Variants in ALG5 observed in about 807,000 individuals in gnomAD.
The protein encoded by ALG5 is ALG5 dolichyl-phosphate beta-glucosyltransferase, also known as dolichyl-phosphate beta-glucosyltransferase.
ALG5 carries 26 observed loss-of-function variants against 51.8 expected under a neutral mutation model. That is an observed-to-expected ratio of 0.50 (90% CI 0.37 to 0.70). The LOEUF (loss-of-function observed/expected upper bound fraction) is 0.70. Ranked by LOEUF, ALG5 falls within the 30% of genes least tolerant of loss-of-function variation. The pLI is 0.00. For synonymous variants in ALG5, 141 were observed against 136.1 expected (o/e 1.04, Z -0.25); for missense variants, 311 against 399.3 (o/e 0.78, Z 1.88).
At chr13:36,952,425 G>A in intron 9 of ALG5, 89 bp downstream of exon 9, 2 of 880,720 alleles carry the variant, frequency 2.3e-6, no homozygotes, top group South Asian at 3.2e-5. Flanking sequence ...CTTGATGAGG[G>A]GAGCAAGGAG....
intron 6 of ALG5, among the ~76,000 whole-genome samples, chr13:36,979,269 G>C (rs1442788778): frequency 6.6e-6 from 1 of 152,084 alleles, no homozygotes; most frequent in East Asian, 1.9e-4. Flanking sequence ...CAAAGTGCTG[G>C]TATTACAGGG....
Position 36,991,167 on chromosome 13 carries a change from G to A in ALG5, c.355-1591C>T, listed in dbSNP as rs138860898. 1.6e-4 allele frequency among the ~76,000 whole-genome samples: 25 copies of A among 152,138 alleles called. 1 individual carries two copies. The highest frequency in any genetic ancestry group is 5.8e-4 in the African/African-American group (24 of 41,502). ...ATTTGAGATTTCCAGACCATACCACGGTCTTACACTTGTATGCCTTTTCTC... is the reference window on the plus strand; with the variant it reads ...ATTTGAGATTTCCAGACCATACCACAGTCTTACACTTGTATGCCTTTTCTC... On this transcript the variant is annotated intron_variant, in intron 4 of 9. Transcript: ENST00000239891.
chr13:36,963,846 T>C (rs1352848018), intron 8 of ALG5, among the ~76,000 whole-genome samples: 1 of 152,162 alleles, frequency 6.6e-6, no homozygotes, highest in African/African-American at 2.4e-5. Context: ...GGCATAATCA[T>C]GCAGATACCC....
chr13:36,984,811 T>C (rs1337747875), intron 6 of ALG5, among the ~76,000 whole-genome samples: 1 of 152,086 alleles, frequency 6.6e-6, no homozygotes, highest in Non-Finnish European at 1.5e-5. Flanking sequence ...TTGGGTTCCC[T>C]GGTCTTGTGA....
intron 6 of ALG5, among the ~76,000 whole-genome samples, chr13:36,974,593 T>C (rs2058941257): frequency 6.6e-6 from 1 of 152,136 alleles, no homozygotes; most frequent in African/African-American, 2.4e-5. Flanking sequence ...TTTTATACTT[T>C]TTATTATGGG....
Position 36,991,428 on chromosome 13 carries a change from T to C in ALG5, c.355-1852A>G, listed in dbSNP as rs139208700. Among the ~76,000 whole-genome samples, 137 of 152,380 alleles carry C rather than the reference T, an allele frequency of 9.0e-4. 2 individuals carry two copies. In the East Asian group the frequency reaches 0.02, roughly 22 times the overall value. On this transcript the variant is annotated intron_variant, in intron 4 of 9. Transcript: ENST00000239891. ...GGCAAAGATTTTTATTTCTGGTATC[T>C]GGCACATAGCTGAAATCTATCAGTT...
intron 6 of ALG5, among the ~76,000 whole-genome samples, chr13:36,977,687 G>T (rs143579560): frequency 6.7e-6 from 1 of 148,726 alleles, no homozygotes; most frequent in South Asian, 2.2e-4. Flanking sequence ...AGCTACTTGG[G>T]AGGCTAAGGC....
At chr13:36,998,106 C>T (rs1037394058) in intron 1 of ALG5, among the ~76,000 whole-genome samples, 1 of 151,982 alleles carries the variant, frequency 6.6e-6, no homozygotes, top group African/African-American at 2.4e-5. Flanking sequence ...GAACAAATAC[C>T]GTCAGTACAA....
intron 5 of ALG5, among the ~76,000 whole-genome samples, chr13:36,987,483 G>T (rs146893615): frequency 6.6e-6 from 1 of 152,146 alleles, no homozygotes; most frequent in African/African-American, 2.4e-5. Flanking sequence ...ATGAGATCTG[G>T]TTGTCTAAAA....
intron 6 of ALG5, among the ~76,000 whole-genome samples, chr13:36,977,790 C>CAAAA (rs869027711): frequency 3.1e-4 from 12 of 39,054 alleles, no homozygotes; most frequent in African/African-American, 1.6e-3. Flanking sequence ...AGACTGTCTC[C>CAAAA]AAAAAAAAAA....
chr13:36,953,495 ATCT>A (rs1450117255), intron 8 of ALG5, among the ~76,000 whole-genome samples: 4 of 152,176 alleles, frequency 2.6e-5, no homozygotes, highest in Admixed American at 1.3e-4. Context: ...TACCTGTTAA[ATCT>A]TCTTCATCGT....
At chr13:36,995,181 C>A (rs2059043367) in intron 2 of ALG5, 146 bp from the exon 3 acceptor site, 1 of 805,496 alleles carries the variant, frequency 1.2e-6, no homozygotes, top group South Asian at 1.8e-5. Flanking sequence ...GAAATCCTGC[C>A]TTCTGTCCAC....
intron 8 of ALG5, among the ~76,000 whole-genome samples, chr13:36,958,649 G>T (rs551600894): frequency 3.9e-5 from 6 of 152,260 alleles, no homozygotes; most frequent in African/African-American, 1.4e-4. Context: ...TTGAGAGTGG[G>T]AACTGAGAGA....
intron 6 of ALG5, 54 bp downstream of exon 6, chr13:36,985,573 T>C: frequency 7.1e-7 from 1 of 1,413,462 alleles, no homozygotes; most frequent in Non-Finnish European, 9.8e-7. Context: ...AACTTTACTT[T>C]AGCTCTCCTG....
intron 1 of ALG5, among the ~76,000 whole-genome samples, chr13:36,996,536 A>G (rs2059051370): frequency 1.3e-5 from 2 of 152,286 alleles, no homozygotes; most frequent in South Asian, 2.1e-4. Flanking sequence ...TCAGTGGCCT[A>G]TGATGCAAGA....
At chr13:36,961,976 C>T (rs1028477295) in intron 8 of ALG5, among the ~76,000 whole-genome samples, 4 of 152,096 alleles carry the variant, frequency 2.6e-5, no homozygotes, top group Non-Finnish European at 5.9e-5. Flanking sequence ...TTAGTAAAGA[C>T]GAGGTTTCAC....
chr13:36,979,476 T>C (rs1271092231), intron 6 of ALG5, among the ~76,000 whole-genome samples: 1 of 152,194 alleles, frequency 6.6e-6, no homozygotes, highest in African/African-American at 2.4e-5. Context: ...AAGGACTAAC[T>C]GTCACATTCT....
intron 6 of ALG5, among the ~76,000 whole-genome samples, chr13:36,984,622 T>A (rs1172494996): frequency 1.3e-5 from 2 of 152,182 alleles, no homozygotes; most frequent in Non-Finnish European, 2.9e-5. Flanking sequence ...TATTTTGTCA[T>A]GATTAACATG....
chr13:36,981,963 C>T (rs184115493), intron 6 of ALG5, among the ~76,000 whole-genome samples: 90 of 152,128 alleles, frequency 5.9e-4, no homozygotes, highest in Admixed American at 4.9e-3. Flanking sequence ...TGGTGGCAGG[C>T]GCCTGTAGTC....
Sources: allele counts gnomAD v4.1 joint callset (sites outside exome capture counted in the v4.1 genomes callset), GRCh38; gene constraint gnomAD v4.1.1; transcripts MANE v1.5; gene names NCBI Gene and HGNC (gene_info 2026-07-23, HGNC 2026-07-21).